The following SERTM1 variants were observed in gnomAD, a reference collection of about 807,000 sequenced individuals.
SERTM1 encodes serine rich and transmembrane domain containing 1.
In SERTM1, 1 loss-of-function variant was observed where a neutral mutation model predicts 5.5. The observed-to-expected ratio is 0.18, with a 90% CI of 0.06 to 0.86. The LOEUF (loss-of-function observed/expected upper bound fraction) is 0.86, where lower values mean the gene tolerates loss of function less well. SERTM1 is among the 40% of genes least tolerant of loss of function. The pLI, the probability that SERTM1 is intolerant of heterozygous loss-of-function variation, is 0.69. For synonymous variants in SERTM1, 52 were observed against 55.1 expected (o/e 0.94, Z 0.25); for missense variants, 91 against 122.4 (o/e 0.74, Z 1.21).
rs765476413 is a variant in SERTM1 at position 36,678,679 on chromosome 13, T to TTATATATATATATATATA, written c.-174+4511_-174+4512insTATATATATATATATATA. On this transcript the variant is annotated intron_variant, in intron 1 of 1. Coordinates refer to ENST00000315190, the MANE Select transcript of SERTM1 (RefSeq NM_203451.3). The stretch of plus-strand genomic sequence containing the variant: ...CCTGGAACTTAAAATAAAATAAAAT[T>TTATATATATATATATATA]TATATATATATATATAAAATATAGT... Among the ~76,000 whole-genome samples, 34 of 133,730 alleles carry TTATATATATATATATATA rather than the reference T, an allele frequency of 2.5e-4. 1 individual carries two copies. The highest frequency in any genetic ancestry group is 7.0e-4 in the African/African-American group (25 of 35,536). The allele number at this position is 133,730 out of a possible 152,430, so 87.7% of individuals were successfully genotyped here.
At position 36,675,361 on chromosome 13, in the gene SERTM1, T is replaced by G. The variant is rs1446714908; in HGVS notation, c.-174+1177T>G. 3.3e-5 allele frequency among the ~76,000 whole-genome samples: 5 copies of G among 152,292 alleles called. 1 individual carries two copies. Among genetic ancestry groups the G allele is most frequent in the South Asian group, 4.1e-4 (2 of 4,820 alleles). On this transcript the variant is annotated intron_variant, in intron 1 of 1. Coordinates refer to ENST00000315190, the MANE Select transcript of SERTM1 (RefSeq NM_203451.3). ...TCCTGGGGCGGACCCGCGGGACTACTCCCTAAGACGTTTCTCCTAGGTGCC... is the reference window on the plus strand; with the variant it reads ...TCCTGGGGCGGACCCGCGGGACTACGCCCTAAGACGTTTCTCCTAGGTGCC...
rs9576099 is a variant in SERTM1, at chr13:36,677,110, G to A, written c.-174+2926G>A. Among the ~76,000 whole-genome samples the A allele has an allele frequency of 5.0e-4, 76 of 152,196 alleles. 1 individual carries two copies. In the East Asian group the frequency reaches 0.014, roughly 27 times the overall value. On this transcript the variant is annotated intron_variant, in intron 1 of 1. Coordinates refer to ENST00000315190, the MANE Select transcript of SERTM1 (RefSeq NM_203451.3). Reference sequence around the variant, plus strand: ...CTGATTTGTGGCAGATGTATCCCTAGGATACAACGTCTTCATGCTCAGTCT... The same window carrying A: ...CTGATTTGTGGCAGATGTATCCCTAAGATACAACGTCTTCATGCTCAGTCT...
In SERTM1 at chr13:36,695,007, A is replaced by C; in HGVS notation, c.-72A>C. 9.1e-7 allele frequency: 1 copy of C among 1,096,600 alleles called. No individual in the cohort carries two copies. The allele number at this position is 1,096,600 out of a possible 1,614,324, so 67.9% of individuals were successfully genotyped here. ...CAAACACGATCGTGAAAAAATGCCA[A>C]TCTGTCCTGTGTAAGCCCTGTGTGA... On this transcript the variant is annotated 5_prime_UTR_variant, in exon 2 of 2. Transcript: ENST00000315190.
chr13:36,676,455 A>G (rs909090998), intron 1 of SERTM1, among the ~76,000 whole-genome samples: 1 of 152,090 alleles, frequency 6.6e-6, no homozygotes, highest in Non-Finnish European at 1.5e-5. Context: ...GAGCATTTTT[A>G]TACTTAATTA....
intron 1 of SERTM1, among the ~76,000 whole-genome samples, chr13:36,678,130 A>C (rs1264088581): frequency 6.6e-6 from 1 of 152,204 alleles, no homozygotes; most frequent in African/African-American, 2.4e-5. Context: ...GCTATAATCA[A>C]ATTTTATTTC....
At position 36,695,379 on chromosome 13, in the gene SERTM1, A is replaced by G; in HGVS notation, c.301A>G (p.Thr101Ala). Residue 101 changes from threonine to alanine, a missense_variant, in exon 2 of 2, where the codon ACT becomes GCT. Coordinates refer to ENST00000315190, the MANE Select transcript of SERTM1 (RefSeq NM_203451.3). ...EVCSISSQRS[T>A]FSNLSS ...CTGCAGCATTTCCTCTCAGAGGTCC[A>G]CTTTTTCAAACCTTTCATCCTGAGG... 1 of 1,613,710 alleles carries G rather than the reference A, an allele frequency of 6.2e-7. No homozygotes were observed. Among genetic ancestry groups the G allele is most frequent in the Admixed American group, 1.7e-5 (1 of 59,922 alleles).
At chr13:36,688,983 T>C (rs1304352031) in intron 1 of SERTM1, among the ~76,000 whole-genome samples, 2 of 152,154 alleles carry the variant, frequency 1.3e-5, no homozygotes, top group African/African-American at 4.8e-5. Flanking sequence ...CCAGTCTCCC[T>C]GAAGTGCAGG....
At chr13:36,693,563 A>T (rs1381398588) in intron 1 of SERTM1, among the ~76,000 whole-genome samples, 3 of 152,112 alleles carry the variant, frequency 2.0e-5, no homozygotes, top group Non-Finnish European at 4.4e-5. Flanking sequence ...ACTGCCTGTC[A>T]CCCAACAGGG....
chr13:36,678,695 A>ATATATATATATATATATATAT (rs1395603891), intron 1 of SERTM1, among the ~76,000 whole-genome samples: 28 of 147,482 alleles, frequency 1.9e-4, no homozygotes, highest in African/African-American at 2.7e-4. Flanking sequence ...ATATATATAT[A>ATATATATATATATATATATAT]AAATATAGTC....
chr13:36,676,081 G>A (rs757036545), intron 1 of SERTM1, among the ~76,000 whole-genome samples: 7 of 152,092 alleles, frequency 4.6e-5, no homozygotes, highest in Non-Finnish European at 2.9e-5. Context: ...CACATCAGGG[G>A]TTAAGATATA....
At chr13:36,679,758 C>T (rs1390094110) in intron 1 of SERTM1, among the ~76,000 whole-genome samples, 1 of 152,098 alleles carries the variant, frequency 6.6e-6, no homozygotes, top group Non-Finnish European at 1.5e-5. Context: ...GATGTCATAT[C>T]TTTTAGTGTT....
chr13:36,680,816 G>A (rs936991362), intron 1 of SERTM1, among the ~76,000 whole-genome samples: 2 of 152,084 alleles, frequency 1.3e-5, no homozygotes, highest in South Asian at 2.1e-4. Context: ...GCAGTGGTGC[G>A]ATCTCTGCTC....
chr13:36,695,352 G>T lies in SERTM1; in HGVS notation c.274G>T (p.Val92Phe). Residue 92 changes from valine (V) to phenylalanine (F), a missense_variant, in exon 2 of 2, where the codon GTC becomes TTC. By Grantham distance (50) the Val-to-Phe change is conservative. Transcript: ENST00000315190. ...DAGSSFTNLE[V>F]CSISSQRSTF... ...TGGAAGTTCTTTCACCAATTTGGAA[G>T]TCTGCAGCATTTCCTCTCAGAGGTC... 6.2e-7 allele frequency: 1 copy of T among 1,614,174 alleles called. No homozygotes were observed. Among genetic ancestry groups the T allele is most frequent in the Non-Finnish European group, 8.5e-7 (1 of 1,180,018 alleles).
At chr13:36,687,709 ATATT>A (rs1420053074) in intron 1 of SERTM1, among the ~76,000 whole-genome samples, 1 of 152,166 alleles carries the variant, frequency 6.6e-6, no homozygotes, top group Non-Finnish European at 1.5e-5. Flanking sequence ...AGTGAATAAA[ATATT>A]TACTGCACAT....
At chr13:36,674,346 A>G (rs2056656674) in intron 1 of SERTM1, among the ~76,000 whole-genome samples, 162 bp downstream of exon 1, 1 of 151,670 alleles carries the variant, frequency 6.6e-6, no homozygotes, top group Admixed American at 6.6e-5. Context: ...CTCCTTTCTG[A>G]GAAACACCCC....
intron 1 of SERTM1, among the ~76,000 whole-genome samples, chr13:36,688,811 C>CATTA (rs2056758966): frequency 6.6e-6 from 1 of 152,126 alleles, no homozygotes; most frequent in Admixed American, 6.5e-5. Context: ...TGGCTGTTGG[C>CATTA]TTTTTCTGTC....
intron 1 of SERTM1, among the ~76,000 whole-genome samples, chr13:36,678,696 A>ATATATATATATATATATATATAT (rs1566226327): frequency 5.9e-5 from 7 of 118,552 alleles, no homozygotes; most frequent in African/African-American, 2.2e-4. Context: ...TATATATATA[A>ATATATATATATATATATATATAT]AATATAGTCC....
intron 1 of SERTM1, among the ~76,000 whole-genome samples, chr13:36,689,981 A>G (rs1048610273): frequency 2.0e-5 from 3 of 152,230 alleles, no homozygotes; most frequent in African/African-American, 7.2e-5. Flanking sequence ...CTTAAAATAA[A>G]GCACTGATAC....
At chr13:36,690,337 C>G (rs547913497) in intron 1 of SERTM1, among the ~76,000 whole-genome samples, 1 of 152,180 alleles carries the variant, frequency 6.6e-6, no homozygotes, top group Non-Finnish European at 1.5e-5. Flanking sequence ...TAAGTAAAGG[C>G]GGTTCTCAAA....
Sources: gnomAD v4.1 joint callset for allele counts (sites outside exome capture counted in the v4.1 genomes callset) on GRCh38, gnomAD v4.1.1 for gene constraint, MANE v1.5 for transcripts, NCBI Gene and HGNC (gene_info 2026-07-23, HGNC 2026-07-21) for gene names.